Variants in CYP4A11 observed in about 807,000 individuals in gnomAD.
The protein encoded by CYP4A11 is cytochrome P450 family 4 subfamily A member 11.
In CYP4A11, 52 loss-of-function variants were observed where a neutral mutation model predicts 57.7. That is an observed-to-expected ratio of 0.90 (90% CI 0.72 to 1.14). The LOEUF (loss-of-function observed/expected upper bound fraction) is 1.14, where lower values mean the gene tolerates loss of function less well. Among genes scored for constraint, CYP4A11 ranks in the 50% most tolerant of loss-of-function variants. The pLI is 0.00. For synonymous variants in CYP4A11, 228 were observed against 247.1 expected, an observed-to-expected ratio of 0.92 and a Z score of 0.72; for missense variants, 641 against 642.1, an observed-to-expected ratio of 1.00 and a Z score of 0.02.
chr1:46,935,059 C>A lies in CYP4A11; in HGVS notation c.731G>T (p.Ser244Ile), dbSNP rs370227361. Residue 244 changes from serine (S) to isoleucine (I), a missense_variant, in exon 6 of 12, where the codon AGC (serine) becomes ATC (isoleucine). Coordinates refer to ENST00000310638, the MANE Select transcript of CYP4A11 (RefSeq NM_000778.4). ...NAFHQNDTIY[S>I]LTSAGRWTHR... is the part of the protein sequence containing the mutation. ...TGTCCAGCGGCCAGCAGAGGTCAGG[C>A]TGTAGATGGTGTCATTCTGGTGAAA... is the stretch of plus-strand genomic sequence containing the variant. The A allele has an allele frequency of 6.2e-7, 1 of 1,614,072 alleles. No individual in the cohort carries two copies. The highest frequency in any genetic ancestry group is 1.3e-5 in the African/African-American group (1 of 74,914).
At chr1:46,936,461 A>C (rs1681395434) in intron 4 of CYP4A11, among the ~76,000 whole-genome samples, 3 of 152,248 alleles carry the variant, frequency 2.0e-5, no homozygotes, top group Admixed American at 2.0e-4. Context: ...GGTGGGGAAC[A>C]AAGCGTGGAT....
intron 1 of CYP4A11, among the ~76,000 whole-genome samples, chr1:46,940,502 G>A (rs1484398575): frequency 2.6e-5 from 4 of 152,098 alleles, no homozygotes; most frequent in East Asian, 1.9e-4. Context: ...CTCACAGTCC[G>A]GGTGTGTGGG....
At chr1:46,936,024 T>C (rs1468998705) in intron 4 of CYP4A11, among the ~76,000 whole-genome samples, 1 of 152,220 alleles carries the variant, frequency 6.6e-6, no homozygotes, top group South Asian at 2.1e-4. Flanking sequence ...TCTGAGGGAC[T>C]AGTAGGAAAG....
rs763466642 is a variant in CYP4A11 at position 46,930,073 on chromosome 1, C to G, written c.*42G>C. 2 of 1,574,580 alleles carry G rather than the reference C, an allele frequency of 1.3e-6. No homozygotes were observed. The highest frequency in any genetic ancestry group is 1.7e-4 in the Middle Eastern group (1 of 5,850). Reference sequence around the variant, plus strand: ...AGGATATGGGCAGACAGGAAGGGGACAGAAGCGGGGGTCAGGAAGACAGGA... The same window carrying G: ...AGGATATGGGCAGACAGGAAGGGGAGAGAAGCGGGGGTCAGGAAGACAGGA... On this transcript the variant is annotated 3_prime_UTR_variant, in exon 12 of 12. Transcript: ENST00000310638.
chr1:46,930,284 A>G lies in CYP4A11; in HGVS notation c.1391T>C (p.Met464Thr), dbSNP rs200205845. ...SRNCIGKQFA[M>T]NELKVATALT... ...GGCCGTGGCCACCTTCAGCTCGTTCATGGCAAATTGTTTCCCGATGCAGTT... is the reference window on the plus strand; with the variant it reads ...GGCCGTGGCCACCTTCAGCTCGTTCGTGGCAAATTGTTTCCCGATGCAGTT... Residue 464 changes from methionine (M) to threonine (T), a missense_variant, in exon 12 of 12, where the codon ATG becomes ACG. Physicochemically the swap from Met to Thr is moderately conservative, Grantham distance 81. Coordinates refer to ENST00000310638, the MANE Select transcript of CYP4A11 (RefSeq NM_000778.4). 6.2e-7 allele frequency: 1 copy of G among 1,613,640 alleles called. No homozygotes were observed. Among genetic ancestry groups the G allele is most frequent in the East Asian group, 2.2e-5 (1 of 44,868 alleles).
intron 2 of CYP4A11, among the ~76,000 whole-genome samples, chr1:46,937,770 G>C (rs1681502370): frequency 6.6e-6 from 1 of 152,114 alleles, no homozygotes. Flanking sequence ...TCTTAATAGA[G>C]AAATAGAAAA....
chr1:46,939,085 A>G (rs1259342814), intron 1 of CYP4A11, among the ~76,000 whole-genome samples: 1 of 152,170 alleles, frequency 6.6e-6, no homozygotes, highest in Non-Finnish European at 1.5e-5. Flanking sequence ...CTTTAATCTC[A>G]TCTGGAACCC....
At chr1:46,932,513 A>T in intron 11 of CYP4A11, 1 of 1,392,920 alleles carries the variant, frequency 7.2e-7, no homozygotes, top group Non-Finnish European at 9.3e-7. Context: ...TGGAACATGC[A>T]CTGACAGTGA....
At chr1:46,936,288 T>C (rs2148460752) in intron 4 of CYP4A11, among the ~76,000 whole-genome samples, 1 of 152,352 alleles carries the variant, frequency 6.6e-6, no homozygotes, top group Middle Eastern at 3.4e-3. Flanking sequence ...GTGGGTGACA[T>C]CTTGGCCTGT....
intron 1 of CYP4A11, 39 bp downstream of exon 1, chr1:46,941,200 C>G (rs1307782386): frequency 6.3e-7 from 1 of 1,592,048 alleles, no homozygotes; most frequent in Non-Finnish European, 8.6e-7. Context: ...AGCCCCATCC[C>G]TCTTTGCCCT....
At position 46,937,978 on chromosome 1, in the gene CYP4A11, A is replaced by G; in HGVS notation, c.337+18T>C. On this transcript the variant is annotated intron_variant, in intron 2 of 11. Coordinates refer to ENST00000310638, the MANE Select transcript of CYP4A11 (RefSeq NM_000778.4). ...AGAGGGAAGACACATTGCAGTTGGG[A>G]TGGGGGTTCGATCTCACCTGATCTC... 2 of 1,613,584 alleles carry G rather than the reference A, an allele frequency of 1.2e-6. No homozygotes were observed. Among genetic ancestry groups the G allele is most frequent in the Non-Finnish European group, 1.7e-6 (2 of 1,179,914 alleles).
intron 11 of CYP4A11, chr1:46,932,351 G>T (rs1161965301): frequency 9.1e-7 from 1 of 1,093,238 alleles, no homozygotes; most frequent in Non-Finnish European, 1.1e-6. Context: ...GTAGTGTGCT[G>T]CATTGAGGAT....
Position 46,941,278 on chromosome 1 carries a change from C to T in CYP4A11, c.156G>A (p.Pro52=), listed in dbSNP as rs555853875. The T allele has an allele frequency of 1.5e-5, 25 of 1,614,032 alleles. No individual in the cohort carries two copies. The highest frequency in any genetic ancestry group is 6.7e-5 in the East Asian group (3 of 44,834). Reference sequence around the variant, plus strand: ...CGAAGAGCCAGTGGGAGGGAGGGCACGGGAACTGCTGGAGGGCTTTGAGCA... The same window carrying T: ...CGAAGAGCCAGTGGGAGGGAGGGCATGGGAACTGCTGGAGGGCTTTGAGCA... ...QWLLKALQQF[P]CPPSHWLFGH... Residue 52 remains proline (P), a synonymous_variant, in exon 1 of 12, where the codon CCG becomes CCA. Coordinates refer to ENST00000310638, the MANE Select transcript of CYP4A11 (RefSeq NM_000778.4).
rs1680922395 is a variant in CYP4A11 at position 46,930,135 on chromosome 1, C to T, written c.1540G>A (p.Glu514Lys). ...LRLRRLPNPCEDKDQL is the reference protein window; with the variant it reads ...LRLRRLPNPCKDKDQL ...GGCCCTCAAAGCTGGTCCTTGTCTT[C>T]ACAAGGGTTAGGGAGCCTCCTGAGA... Residue 514 changes from glutamate to lysine, a missense_variant, in exon 12 of 12, where the codon GAA becomes AAA. Coordinates refer to ENST00000310638, the MANE Select transcript of CYP4A11 (RefSeq NM_000778.4). The T allele has an allele frequency of 1.9e-6, 3 of 1,612,990 alleles. No homozygotes were observed. Among genetic ancestry groups the T allele is most frequent in the Middle Eastern group, 1.7e-4 (1 of 6,056 alleles).
Position 46,929,963 on chromosome 1 carries a change from C to T in CYP4A11, c.*152G>A, listed in dbSNP as rs990666488. On this transcript the variant is annotated 3_prime_UTR_variant, in exon 12 of 12. Coordinates refer to ENST00000310638, the MANE Select transcript of CYP4A11 (RefSeq NM_000778.4). ...ACAGGTAGACAAGCAGGTAGGGAGC[C>T]TGGAGAAAGGTGAGAGAGAGAAGGG... is the stretch of plus-strand genomic sequence containing the variant. The T allele has an allele frequency of 3.6e-5, 39 of 1,082,882 alleles. No homozygotes were observed. Among genetic ancestry groups the T allele is most frequent in the Admixed American group, 1.8e-4 (6 of 34,172 alleles). 67.1% of individuals were successfully genotyped at this position (1,082,882 alleles called of 1,614,324 possible).
chr1:46,931,762 C>T (rs1356915821), intron 11 of CYP4A11: 38 of 695,212 alleles, frequency 5.5e-5, no homozygotes, highest in South Asian at 6.6e-5. Flanking sequence ...GTGGACTCAC[C>T]GTTTCAAAAA....
Position 46,932,809 on chromosome 1 carries a change from C to G in CYP4A11, c.1316G>C (p.Gly439Ala), listed in dbSNP as rs764571042. 2.1e-4 allele frequency: 337 copies of G among 1,614,056 alleles called. 1 individual carries two copies. The highest frequency in any genetic ancestry group is 2.8e-4 in the Non-Finnish European group (329 of 1,180,034). ...EVFDPFRFAP[G>A]SAQHSHAFLP... ...GAAAGCGTGGCTGTGTTGAGCAGAA[C>G]CCGGTGCAAAACGGAAAGGGTCAAA... Residue 439 changes from glycine to alanine, a missense_variant, in exon 11 of 12, where the codon GGT becomes GCT. Coordinates refer to ENST00000310638, the MANE Select transcript of CYP4A11 (RefSeq NM_000778.4).
At chr1:46,940,713 T>C in intron 1 of CYP4A11, 1 of 985,452 alleles carries the variant, frequency 1.0e-6, no homozygotes, top group Non-Finnish European at 1.2e-6. Flanking sequence ...CCAGCAGATC[T>C]CTGCCTCAGA....
At position 46,930,050 on chromosome 1, in the gene CYP4A11, G is replaced by A. The variant is rs1326282899; in HGVS notation, c.*65C>T. ...GGGAAGGTGGGCAGACAGAAAACAGGATATGGGCAGACAGGAAGGGGACAG... is the reference window on the plus strand; with the variant it reads ...GGGAAGGTGGGCAGACAGAAAACAGAATATGGGCAGACAGGAAGGGGACAG... On this transcript the variant is annotated 3_prime_UTR_variant, in exon 12 of 12. Coordinates refer to ENST00000310638, the MANE Select transcript of CYP4A11 (RefSeq NM_000778.4). The A allele has an allele frequency of 6.5e-7, 1 of 1,538,478 alleles. No individual in the cohort carries two copies. The highest frequency in any genetic ancestry group is 1.4e-5 in the African/African-American group (1 of 72,900).
Sources: allele counts gnomAD v4.1 joint callset (sites outside exome capture counted in the v4.1 genomes callset), GRCh38; gene constraint gnomAD v4.1.1; transcripts MANE v1.5; gene names NCBI Gene and HGNC (gene_info 2026-07-23, HGNC 2026-07-21).